Variants in KDM4B observed in about 807,000 individuals in gnomAD.
KDM4B encodes the protein lysine-specific demethylase 4B.
In KDM4B, 32 loss-of-function variants were observed where a neutral mutation model predicts 125.2. The ratio of observed to expected loss-of-function variants is 0.26; its 90% confidence interval spans 0.19 to 0.34. The LOEUF (loss-of-function observed/expected upper bound fraction) is 0.34, where lower values mean the gene tolerates loss of function less well. Ranked by LOEUF, KDM4B falls within the 10% of genes least tolerant of loss-of-function variation. KDM4B has a pLI of 1.00. For missense variants in KDM4B, 1,190 were observed against 1,577.7 expected, an observed-to-expected ratio of 0.75 and a Z score of 4.16; for synonymous variants, 721 against 677.9, an observed-to-expected ratio of 1.06 and a Z score of -0.99.
chr19:5,094,125 G>T (rs1414618997), intron 9 of KDM4B, among the ~76,000 whole-genome samples: 1 of 152,228 alleles, frequency 6.6e-6, no homozygotes, highest in African/African-American at 2.4e-5. Context: ...TCTGCCCCAT[G>T]GTCACGCGGC....
intron 6 of KDM4B, among the ~76,000 whole-genome samples, chr19:5,063,684 T>TC (rs1297668767): frequency 6.6e-6 from 1 of 152,230 alleles, no homozygotes; most frequent in Non-Finnish European, 1.5e-5. Context: ...GGTCCTTGTG[T>TC]CCCCAGTGCG....
chr19:5,134,178 C>T (rs1162437375), intron 14 of KDM4B, 117 bp downstream of exon 14: 1 of 979,682 alleles, frequency 1.0e-6, no homozygotes, highest in East Asian at 2.5e-5. Flanking sequence ...TGTTGGCCAG[C>T]ACCCCGAGTT....
intron 1 of KDM4B, among the ~76,000 whole-genome samples, chr19:4,987,536 T>G (rs538092834): frequency 1.0e-3 from 159 of 152,260 alleles, no homozygotes; most frequent in African/African-American, 3.8e-3. Context: ...TTGCGATGTT[T>G]CTGGCTGGAG....
chr19:5,039,895 G>C lies in KDM4B; in HGVS notation c.201G>C (p.Val67=), dbSNP rs1244977956. ...RQTYDDIDDV[V]IPAPIQQVVT... ...CGTATGATGACATCGACGACGTGGT[G>C]ATCCCGGCGCCCATCCAGCAGGTGG... The change falls in exon 4 of 23, where the codon GTG becomes GTC. Residue 67 remains valine, a synonymous_variant. Coordinates refer to ENST00000159111, the MANE Select transcript of KDM4B (RefSeq NM_015015.3). The C allele has an allele frequency of 1.9e-6, 3 of 1,612,898 alleles. No homozygotes were observed. Among genetic ancestry groups the C allele is most frequent in the South Asian group, 2.2e-5 (2 of 91,090 alleles).
intron 9 of KDM4B, among the ~76,000 whole-genome samples, chr19:5,106,036 C>T (rs1826232181): frequency 6.6e-6 from 1 of 152,232 alleles, no homozygotes; most frequent in Non-Finnish European, 1.5e-5. Flanking sequence ...TGTTTTGATA[C>T]ATTTCCCTGT....
chr19:5,110,471 C>T (rs1183449166), intron 9 of KDM4B, 151 bp from the exon 10 acceptor site: 10 of 722,828 alleles, frequency 1.4e-5, no homozygotes, highest in South Asian at 1.0e-4. Context: ...GACCGTGTCT[C>T]GAAAAGAAAA....
rs911185266 is a variant in KDM4B, at chr19:5,138,655, C to CA, written c.2550+594dup. Among the ~76,000 whole-genome samples, 651 of 150,112 alleles carry CA rather than the reference C, an allele frequency of 4.3e-3. 4 individuals are homozygous for CA. The highest frequency in any genetic ancestry group is 0.015 in the African/African-American group (602 of 40,856). ...TAGACAACAGAGCCAGGCACTGTCT[C>CA]AAAAAAAAACAAACAATTGTAACAA... On this transcript the variant is annotated intron_variant, in intron 18 of 22. Transcript: ENST00000159111.
chr19:5,012,460 CTCGTGGCCCGTAGCCGTCCCAGGATCCT>C (rs2035759306), intron 1 of KDM4B, among the ~76,000 whole-genome samples: 1 of 152,212 alleles, frequency 6.6e-6, no homozygotes, highest in Non-Finnish European at 1.5e-5. Flanking sequence ...ACCGGGATTC[CTCGTGGCCCGTAGCCGTCCCAGGATCCT>C]TCGTGGCCCG....
chr19:5,084,549 A>T (rs1329219026), intron 9 of KDM4B, among the ~76,000 whole-genome samples: 1 of 131,288 alleles, frequency 7.6e-6, no homozygotes. Flanking sequence ...TATTATATAT[A>T]ATATATAAAT....
At chr19:5,112,111 G>T in intron 10 of KDM4B, 1 of 378,380 alleles carries the variant, frequency 2.6e-6, no homozygotes, top group African/African-American at 2.0e-5. Context: ...AAATCAGCTG[G>T]GTGTGGTGGT....
chr19:5,129,954 C>G (rs1045493196), intron 11 of KDM4B, among the ~76,000 whole-genome samples: 1 of 152,214 alleles, frequency 6.6e-6, no homozygotes, highest in African/African-American at 2.4e-5. Flanking sequence ...TCCCACAGCC[C>G]GACACAGAGC....
intron 1 of KDM4B, among the ~76,000 whole-genome samples, chr19:4,982,639 G>A (rs1325893743): frequency 1.3e-5 from 2 of 151,064 alleles, no homozygotes; most frequent in Non-Finnish European, 2.9e-5. Flanking sequence ...TTGTGGCGGA[G>A]TCTCACTGTG....
At position 5,091,064 on chromosome 19, in the gene KDM4B, A is replaced by C. The variant is rs140222468; in HGVS notation, c.918+8560A>C. On this transcript the variant is annotated intron_variant, in intron 9 of 22. Coordinates refer to ENST00000159111, the MANE Select transcript of KDM4B (RefSeq NM_015015.3). Reference sequence around the variant, plus strand: ...AGGATGTTCCTATTTCACTCAAGGAAATAAAATGTGCACGCAGCCGCCTTT... The same window carrying C: ...AGGATGTTCCTATTTCACTCAAGGACATAAAATGTGCACGCAGCCGCCTTT... Among the ~76,000 whole-genome samples, 624 of 152,346 alleles carry C rather than the reference A, an allele frequency of 4.1e-3. 1 individual carries two copies. The highest frequency in any genetic ancestry group is 5.6e-3 in the African/African-American group (232 of 41,586).
Position 4,971,214 on chromosome 19 carries a change from A to G in KDM4B, c.-109+1984A>G, listed in dbSNP as rs1179706420. Among the ~76,000 whole-genome samples, 5 of 152,048 alleles carry G rather than the reference A, an allele frequency of 3.3e-5. No homozygotes were observed. Among genetic ancestry groups the G allele is most frequent in the African/African-American group, 1.2e-4 (5 of 41,408 alleles). ...ATGTTAACTGCTGGCGCTTAAAGGT[A>G]TAGCTGATCAGCCACCGCACAGCAC... On this transcript the variant is annotated intron_variant, in intron 1 of 22. Transcript: ENST00000159111. The surrounding 1 kb of genome is among the most constrained non-coding windows in gnomAD (Gnocchi z 4.1).
At chr19:5,084,336 TTATA>T (rs1410875316) in intron 9 of KDM4B, among the ~76,000 whole-genome samples, 1 of 145,456 alleles carries the variant, frequency 6.9e-6, no homozygotes, top group Non-Finnish European at 1.5e-5. Flanking sequence ...TGTATATAAT[TTATA>T]TATTGTATGT....
At chr19:5,134,150 C>G in intron 14 of KDM4B, 89 bp downstream of exon 14, 2 of 1,269,782 alleles carry the variant, frequency 1.6e-6, no homozygotes, top group East Asian at 2.4e-5. Flanking sequence ...ACGCCTCCCT[C>G]TCTCACGCAG....
At chr19:5,060,508 C>A (rs1476652749) in intron 6 of KDM4B, among the ~76,000 whole-genome samples, 2 of 149,846 alleles carry the variant, frequency 1.3e-5, no homozygotes, top group African/African-American at 4.9e-5. Context: ...TCTCTTCAGA[C>A]CCTCTGTGCT....
chr19:5,018,106 A>G (rs1436174017), intron 2 of KDM4B, among the ~76,000 whole-genome samples: 2 of 151,740 alleles, frequency 1.3e-5, no homozygotes, highest in Non-Finnish European at 2.9e-5. Flanking sequence ...TGGTGTGATC[A>G]TAGCTCACTG....
In KDM4B at chr19:5,090,361, T is replaced by C. The variant is rs375664987; in HGVS notation, c.918+7857T>C. Among the ~76,000 whole-genome samples the C allele has an allele frequency of 3.9e-3, 407 of 105,612 alleles. 4 individuals are homozygous for C. The highest frequency in any genetic ancestry group is 0.013 in the African/African-American group (361 of 28,050). The allele number at this position is 105,612 out of a possible 152,430, so 69.3% of individuals were successfully genotyped here. On this transcript the variant is annotated intron_variant, in intron 9 of 22. Transcript: ENST00000159111. ...AGTGGTAACGTTCTCTCTCTCTCTCTCCTCATCTCTCTCTCCCCCCATATC... is the reference window on the plus strand; with the variant it reads ...AGTGGTAACGTTCTCTCTCTCTCTCCCCTCATCTCTCTCTCCCCCCATATC...
Sources: gnomAD v4.1 joint callset for allele counts (sites outside exome capture counted in the v4.1 genomes callset) on GRCh38, gnomAD v4.1.1 for gene constraint, Gnocchi (gnomAD v3.1) non-coding constraint, MANE v1.5 for transcripts, NCBI Gene and HGNC (gene_info 2026-07-23, HGNC 2026-07-21) for gene names.